Variants in LRRC28 observed in about 807,000 individuals in gnomAD.
LRRC28 encodes the protein leucine-rich repeat-containing protein 28.
In LRRC28, 39 loss-of-function variants were observed where a neutral mutation model predicts 45.7. The observed-to-expected ratio is 0.85, with a 90% confidence interval of 0.66 to 1.12. LRRC28 has a LOEUF of 1.12. Ranked by LOEUF, LRRC28 falls within the 50% of genes most tolerant of loss-of-function variation. The pLI is 0.00. For missense variants in LRRC28, 435 were observed against 438.5 expected (o/e 0.99, Z 0.07); for synonymous variants, 206 against 178.8 (o/e 1.15, Z -1.22).
At chr15:99,293,333 C>G (rs1254233056) in intron 5 of LRRC28, among the ~76,000 whole-genome samples, 5 of 152,016 alleles carry the variant, frequency 3.3e-5, no homozygotes, top group African/African-American at 9.7e-5. Flanking sequence ...GTGGCTCATG[C>G]CTGGAATCCC....
intron 5 of LRRC28, among the ~76,000 whole-genome samples, chr15:99,312,049 T>C (rs1444868692): frequency 6.6e-6 from 1 of 152,122 alleles, no homozygotes; most frequent in Non-Finnish European, 1.5e-5. Context: ...TCAAGAATTA[T>C]AGCTAAAAAA....
chr15:99,276,094 A>C (rs1490000072), intron 2 of LRRC28, among the ~76,000 whole-genome samples: 2 of 151,962 alleles, frequency 1.3e-5, no homozygotes, highest in East Asian at 3.9e-4. Flanking sequence ...ATGAGAATCT[A>C]GTGCCTGACG....
intron 9 of LRRC28, among the ~76,000 whole-genome samples, chr15:99,381,557 T>C (rs1957824735): frequency 6.6e-6 from 1 of 152,248 alleles, no homozygotes; most frequent in Non-Finnish European, 1.5e-5. Flanking sequence ...CCATCCAGCT[T>C]TGTTCCGTTG....
intron 5 of LRRC28, among the ~76,000 whole-genome samples, chr15:99,308,432 C>A (rs918906673): frequency 6.6e-6 from 1 of 151,966 alleles, no homozygotes; most frequent in Non-Finnish European, 1.5e-5. Flanking sequence ...TTTGGGAGGC[C>A]GAGGTAGGAG....
At chr15:99,328,407 T>C (rs1567666921) in intron 5 of LRRC28, among the ~76,000 whole-genome samples, 1 of 152,134 alleles carries the variant, frequency 6.6e-6, no homozygotes, top group Non-Finnish European at 1.5e-5. Context: ...TTTAGTACAT[T>C]TTGGTTTTAC....
chr15:99,258,763 C>A, intron 2 of LRRC28: 1 of 695,712 alleles, frequency 1.4e-6, no homozygotes. Flanking sequence ...AAGTTACCTT[C>A]AAATCAATTT....
chr15:99,279,132 A>C (rs557531391), intron 3 of LRRC28, among the ~76,000 whole-genome samples: 5 of 152,310 alleles, frequency 3.3e-5, no homozygotes, highest in Admixed American at 1.3e-4. Context: ...TGGATGTTTT[A>C]TATTAGTGGA....
chr15:99,376,615 A>C (rs1957642974), intron 9 of LRRC28, among the ~76,000 whole-genome samples: 1 of 152,148 alleles, frequency 6.6e-6, no homozygotes, highest in Non-Finnish European at 1.5e-5. Flanking sequence ...TACATGTGCC[A>C]TGTTGGTGTG....
chr15:99,377,339 G>A (rs1349762034), intron 9 of LRRC28, among the ~76,000 whole-genome samples: 2 of 152,100 alleles, frequency 1.3e-5, no homozygotes, highest in Non-Finnish European at 2.9e-5. Context: ...CTGCATAAAT[G>A]TCTTCTTTTG....
chr15:99,305,024 G>T (rs143458190), intron 5 of LRRC28, among the ~76,000 whole-genome samples: 1 of 152,128 alleles, frequency 6.6e-6, no homozygotes, highest in Non-Finnish European at 1.5e-5. Context: ...GGACCTGCTC[G>T]CGTGCATCAC....
intron 9 of LRRC28, among the ~76,000 whole-genome samples, chr15:99,385,499 A>T (rs1469553629): frequency 1.3e-5 from 2 of 152,240 alleles, no homozygotes; most frequent in Non-Finnish European, 2.9e-5. Context: ...AACCTCTGAT[A>T]TGTGGGAAGA....
At chr15:99,282,732 A>C (rs886096195) in intron 3 of LRRC28, among the ~76,000 whole-genome samples, 2 of 151,406 alleles carry the variant, frequency 1.3e-5, no homozygotes, top group African/African-American at 4.9e-5. Context: ...CATAACAAGG[A>C]AATCACCTAA....
At chr15:99,327,455 T>G (rs977229342) in intron 5 of LRRC28, among the ~76,000 whole-genome samples, 1 of 152,230 alleles carries the variant, frequency 6.6e-6, no homozygotes. Context: ...TTTAGAAATA[T>G]GTTTATTTAA....
chr15:99,255,451 A>T (rs1016240394), intron 1 of LRRC28, among the ~76,000 whole-genome samples: 1 of 152,126 alleles, frequency 6.6e-6, no homozygotes, highest in Non-Finnish European at 1.5e-5. Flanking sequence ...AAGAAAATGA[A>T]GCTATTAGTG....
At chr15:99,268,712 C>T (rs758351362) in intron 2 of LRRC28, among the ~76,000 whole-genome samples, 6 of 152,142 alleles carry the variant, frequency 3.9e-5, no homozygotes, top group African/African-American at 1.4e-4. Flanking sequence ...CAGAATTGTT[C>T]AAGCTAGGTG....
intron 2 of LRRC28, chr15:99,259,679 C>A: frequency 7.2e-7 from 1 of 1,387,930 alleles, no homozygotes; most frequent in Non-Finnish European, 1.0e-6. Context: ...TGAAATTAAT[C>A]CCAGACATCC....
At chr15:99,345,221 T>A (rs1347053555) in intron 6 of LRRC28, among the ~76,000 whole-genome samples, 1 of 151,652 alleles carries the variant, frequency 6.6e-6, no homozygotes, top group Non-Finnish European at 1.5e-5. Context: ...GTGCTCCTGC[T>A]CTCTTAACTA....
chr15:99,261,197 C>G (rs1455700469), intron 2 of LRRC28, among the ~76,000 whole-genome samples: 1 of 152,170 alleles, frequency 6.6e-6, no homozygotes, highest in African/African-American at 2.4e-5. Flanking sequence ...AGCCTTTTAG[C>G]ACATTTAAAA....
At chr15:99,253,341 G>T (rs926053551) in intron 1 of LRRC28, among the ~76,000 whole-genome samples, 1 of 152,124 alleles carries the variant, frequency 6.6e-6, no homozygotes, top group Non-Finnish European at 1.5e-5. Flanking sequence ...GGCTGGTCTC[G>T]AACTCCTCAC....
Sources: gnomAD v4.1 joint callset for allele counts (sites outside exome capture counted in the v4.1 genomes callset) on GRCh38, gnomAD v4.1.1 for gene constraint, MANE v1.5 for transcripts, NCBI Gene and HGNC (gene_info 2026-07-23, HGNC 2026-07-21) for gene names.